Variants in RP1 observed in about 807,000 individuals in gnomAD.
The protein encoded by RP1 is RP1 axonemal microtubule associated.
In RP1, 16 loss-of-function variants were observed where a neutral mutation model predicts 14.8. That is an observed-to-expected ratio of 1.08 (90% CI 0.73 to 1.65). The LOEUF (loss-of-function observed/expected upper bound fraction) is 1.65, where lower values mean the gene tolerates loss of function less well. RP1 is among the 40% of genes most tolerant of loss of function. RP1 has a pLI of 0.00. For missense variants in RP1, 2,631 were observed against 2,535.0 expected (o/e 1.04, Z -0.81); for synonymous variants, 876 against 883.6 (o/e 0.99, Z 0.15).
chr8:54,685,743 G>T (rs1807548243), intron 12 of RP1, among the ~76,000 whole-genome samples: 1 of 152,074 alleles, frequency 6.6e-6, no homozygotes, highest in African/African-American at 2.4e-5. Flanking sequence ...TTCTTCCAAT[G>T]TGGCCTGGGG....
intron 1 of RP1, among the ~76,000 whole-genome samples, chr8:54,595,289 C>T (rs1450809284): frequency 2.6e-5 from 4 of 151,994 alleles, no homozygotes; most frequent in Admixed American, 2.0e-4. Flanking sequence ...GCCACCATGC[C>T]CAGATAATTT....
chr8:54,640,980 G>GTTTT (rs1563336311), intron 3 of RP1, among the ~76,000 whole-genome samples: 1 of 127,674 alleles, frequency 7.8e-6, no homozygotes, highest in Non-Finnish European at 1.6e-5. Context: ...TTTTTTTTGA[G>GTTTT]ACAGAGTCTT....
chr8:54,843,964 G>T (rs1009389918), intron 25 of RP1, among the ~76,000 whole-genome samples: 3 of 152,348 alleles, frequency 2.0e-5, no homozygotes, highest in Admixed American at 6.5e-5. Flanking sequence ...ATTAGGAAAG[G>T]TTCCACAAAA....
At chr8:54,679,302 A>T (rs1181145696) in intron 9 of RP1, 10 of 864,384 alleles carry the variant, frequency 1.2e-5, no homozygotes, top group Non-Finnish European at 1.8e-5. Context: ...TTTGAGAGCC[A>T]GATAGCCACG....
chr8:54,685,378 A>G (rs1395822800), intron 12 of RP1, among the ~76,000 whole-genome samples: 3 of 152,146 alleles, frequency 2.0e-5, no homozygotes, highest in Non-Finnish European at 4.4e-5. Context: ...AGTTTCAAAG[A>G]ATTTCTTGAT....
At chr8:54,712,718 G>A (rs564255558) in intron 15 of RP1, among the ~76,000 whole-genome samples, 72 of 152,176 alleles carry the variant, frequency 4.7e-4, no homozygotes, top group African/African-American at 1.7e-3. Flanking sequence ...CATTGATTTC[G>A]TTGTCTTACT....
At chr8:54,766,379 G>A (rs1472263340) in intron 22 of RP1, among the ~76,000 whole-genome samples, 2 of 151,868 alleles carry the variant, frequency 1.3e-5, no homozygotes, top group Non-Finnish European at 1.5e-5. Context: ...TTTCCTGAAA[G>A]AGGCCACTAT....
In RP1 at chr8:54,621,496, C is replaced by T. The variant is rs1183569132; in HGVS notation, c.530C>T (p.Thr177Ile). ...GCGGTTCTTCTGAGCAGGAGGGTCACCCAGAGCTTCGAGGCATTTCTACAG... is the reference window on the plus strand; with the variant it reads ...GCGGTTCTTCTGAGCAGGAGGGTCATCCAGAGCTTCGAGGCATTTCTACAG... ...RRAVLLSRRVTQSFEAFLQHL... is the reference protein window; with the variant it reads ...RRAVLLSRRVIQSFEAFLQHL... Residue 177 changes from threonine to isoleucine, a missense_variant, in exon 2 of 4, where the codon ACC becomes ATC. By Grantham distance (89) the Thr-to-Ile change is moderately conservative. Transcript: ENST00000220676. 6.2e-7 allele frequency: 1 copy of T among 1,614,114 alleles called. No individual in the cohort carries two copies. The highest frequency in any genetic ancestry group is 8.5e-7 in the Non-Finnish European group (1 of 1,180,042).
intron 3 of RP1, among the ~76,000 whole-genome samples, chr8:54,639,955 C>T (rs1165883559): frequency 6.6e-6 from 1 of 152,042 alleles, no homozygotes; most frequent in Non-Finnish European, 1.5e-5. Context: ...TTTTGGTAAG[C>T]CCAGTTTGTT....
At chr8:54,701,077 C>T (rs1384862087) in intron 13 of RP1, among the ~76,000 whole-genome samples, 1 of 152,060 alleles carries the variant, frequency 6.6e-6, no homozygotes, top group Admixed American at 6.6e-5. Context: ...GTAGCATAAC[C>T]TTCTCAATTT....
chr8:54,751,142 G>A (rs543382583), intron 19 of RP1, among the ~76,000 whole-genome samples: 21 of 152,286 alleles, frequency 1.4e-4, no homozygotes, highest in African/African-American at 4.8e-4. Flanking sequence ...AACCAACTCC[G>A]GACACATCGC....
At chr8:54,860,690 C>A (rs148705276) in intron 27 of RP1, among the ~76,000 whole-genome samples, 8 of 152,336 alleles carry the variant, frequency 5.3e-5, no homozygotes, top group Non-Finnish European at 1.0e-4. Flanking sequence ...CTGCAGGATG[C>A]CAGTCCCTGG....
chr8:54,601,218 T>C (rs1383799037), intron 1 of RP1, among the ~76,000 whole-genome samples: 1 of 152,150 alleles, frequency 6.6e-6, no homozygotes, highest in Non-Finnish European at 1.5e-5. Context: ...AAAATTAAGC[T>C]TTGAAATCCT....
chr8:54,693,605 T>C (rs1049618839), intron 12 of RP1, among the ~76,000 whole-genome samples: 1 of 152,208 alleles, frequency 6.6e-6, no homozygotes, highest in Non-Finnish European at 1.5e-5. Context: ...TCACTCATGA[T>C]TTGACTCTCT....
chr8:54,652,164 C>A (rs934187143), intron 4 of RP1, among the ~76,000 whole-genome samples: 1 of 152,054 alleles, frequency 6.6e-6, no homozygotes. Context: ...CCTGCCAACA[C>A]GCCCAGCTAA....
At chr8:54,656,840 T>G (rs1213246567) in intron 6 of RP1, among the ~76,000 whole-genome samples, 2 of 151,112 alleles carry the variant, frequency 1.3e-5, no homozygotes, top group Non-Finnish European at 2.9e-5. Flanking sequence ...AATAGACAAT[T>G]GGCAAAAAAT....
At chr8:54,675,966 G>A (rs1006819718) in intron 8 of RP1, among the ~76,000 whole-genome samples, 1 of 152,086 alleles carries the variant, frequency 6.6e-6, no homozygotes, top group East Asian at 1.9e-4. Flanking sequence ...CTTGGGAGGG[G>A]CTTCTTGCTG....
At chr8:54,865,391 C>G (rs1241989066) in intron 27 of RP1, among the ~76,000 whole-genome samples, 1 of 151,424 alleles carries the variant, frequency 6.6e-6, no homozygotes, top group African/African-American at 2.4e-5. Flanking sequence ...TCTTTCCTTA[C>G]TTTCATTTTT....
chr8:54,684,279 T>C (rs1351769908), intron 12 of RP1, among the ~76,000 whole-genome samples: 2 of 152,116 alleles, frequency 1.3e-5, no homozygotes, highest in African/African-American at 4.8e-5. Context: ...TTTCTTTTTT[T>C]GTTGTATCTC....
Sources: gnomAD v4.1 joint callset for allele counts (sites outside exome capture counted in the v4.1 genomes callset) on GRCh38, gnomAD v4.1.1 for gene constraint, MANE v1.5 for transcripts, NCBI Gene and HGNC (gene_info 2026-07-23, HGNC 2026-07-21) for gene names.